TTC12: variants seen among roughly 807,000 people sequenced by gnomAD.
The protein encoded by TTC12 is tetratricopeptide repeat domain 12, also known as tetratricopeptide repeat protein 12.
TTC12 carries 70 observed loss-of-function variants against 90.1 expected under a neutral mutation model. The ratio of observed to expected loss-of-function variants is 0.78; its 90% CI spans 0.64 to 0.95. The LOEUF (loss-of-function observed/expected upper bound fraction) is 0.95. TTC12 is among the 40% of genes least tolerant of loss of function. TTC12 has a pLI of 0.00. For missense variants in TTC12, 819 were observed against 846.1 expected, an observed-to-expected ratio of 0.97 and a Z score of 0.40; for synonymous variants, 296 against 311.5, an observed-to-expected ratio of 0.95 and a Z score of 0.53.
intron 18 of TTC12, among the ~76,000 whole-genome samples, chr11:113,361,528 AAC>A (rs1949922053): frequency 1.3e-5 from 2 of 152,212 alleles, no homozygotes; most frequent in South Asian, 4.1e-4. Flanking sequence ...CTCCCGATAC[AAC>A]AGAGAGCAGA....
intron 2 of TTC12, among the ~76,000 whole-genome samples, chr11:113,321,187 A>G (rs979180118): frequency 6.6e-6 from 1 of 152,206 alleles, no homozygotes; most frequent in Non-Finnish European, 1.5e-5. Context: ...AATTAAAACA[A>G]TGAGATACCA....
At chr11:113,353,677 A>G (rs1018594306) in intron 16 of TTC12, among the ~76,000 whole-genome samples, 17 of 152,244 alleles carry the variant, frequency 1.1e-4, no homozygotes, top group Admixed American at 5.9e-4. Flanking sequence ...AATCTTCTGC[A>G]TATGACTAGC....
intron 2 of TTC12, among the ~76,000 whole-genome samples, chr11:113,320,707 G>A (rs782459486): frequency 6.6e-6 from 1 of 152,322 alleles, no homozygotes; most frequent in East Asian, 1.9e-4. Flanking sequence ...CAATCAAGTC[G>A]TCCGCAGATG....
chr11:113,327,956 C>G (rs1483408938), intron 6 of TTC12, among the ~76,000 whole-genome samples: 1 of 152,254 alleles, frequency 6.6e-6, no homozygotes, highest in Non-Finnish European at 1.5e-5. Context: ...CATTTGCTGG[C>G]TGTTGCCTAC....
At chr11:113,325,667 C>G (rs374575585) in intron 6 of TTC12, 22 bp downstream of exon 6, 2 of 1,610,694 alleles carry the variant, frequency 1.2e-6, no homozygotes, top group African/African-American at 2.7e-5. Context: ...AGGGATGTAT[C>G]CATGGGGCTT....
At chr11:113,359,855 G>T in intron 17 of TTC12, 85 bp from the exon 18 acceptor site, 1 of 1,055,414 alleles carries the variant, frequency 9.5e-7, no homozygotes, top group South Asian at 1.5e-5. Context: ...TGCTAAAAAG[G>T]AGACGGTGCT....
chr11:113,316,568 CCTT>C (rs1163988515), intron 2 of TTC12, among the ~76,000 whole-genome samples: 8 of 152,186 alleles, frequency 5.3e-5, no homozygotes, highest in African/African-American at 1.4e-4. Context: ...TATTTTGTAT[CCTT>C]CTATGTGGAA....
Position 113,366,276 on chromosome 11 carries a change from G to A in TTC12, c.2094G>A (p.Thr698=), listed in dbSNP as rs764336974. ...ATGGCCTAGAAATTCTCAACTCTAC[G>A]ATGAAATACATCAGTGATTCTTGAG... ...KLHGLEILNS[T]MKYISDS is the part of the protein sequence containing the mutation. The change falls in exon 22 of 22, where the codon ACG becomes ACA. Residue 698 remains threonine, a synonymous_variant. Coordinates refer to ENST00000529221, the MANE Select transcript of TTC12 (RefSeq NM_017868.4). 1 of 1,613,706 alleles carries A rather than the reference G, an allele frequency of 6.2e-7. No homozygotes were observed.
In TTC12 at chr11:113,329,736, C is replaced by T. The variant is rs1287572572; in HGVS notation, c.445-184C>T. On this transcript the variant is annotated intron_variant, in intron 6 of 21. Coordinates refer to ENST00000529221, the MANE Select transcript of TTC12 (RefSeq NM_017868.4). ...CCTGCCTTCACCGTGGAAGAGGTCCCTGTATTCAACTCTCCTCAGTTGCCC... is the reference window on the plus strand; with the variant it reads ...CCTGCCTTCACCGTGGAAGAGGTCCTTGTATTCAACTCTCCTCAGTTGCCC... 4.5e-6 allele frequency: 3 copies of T among 664,984 alleles called. No homozygotes were observed. In the Admixed American group the frequency reaches 6.2e-5, roughly 14 times the overall value. The allele number at this position is 664,984 out of a possible 1,614,324, so 41.2% of individuals were successfully genotyped here. A position where few individuals can be genotyped will look rare whatever the true frequency, so the allele number is the denominator to read the frequency against.
In TTC12 at chr11:113,323,382, C is replaced by A. The variant is rs1478892110; in HGVS notation, c.153C>A (p.Asp51Glu). 86 of 1,612,996 alleles carry A rather than the reference C, an allele frequency of 5.3e-5. No individual in the cohort carries two copies. The highest frequency in any genetic ancestry group is 7.2e-5 in the Non-Finnish European group (85 of 1,179,664). The change falls in exon 3 of 22, where the codon GAC (aspartate) becomes GAA (glutamate). Residue 51 changes from aspartate to glutamate, a missense_variant. Asp to Glu is a conservative substitution (Grantham distance 45, BLOSUM62 2). Transcript: ENST00000529221. ...AGAGACTACTGCTTATGGAGGAAGA[C>A]CAGGAGGAGGATGAATGCAGGACCA... is the stretch of plus-strand genomic sequence containing the variant. Reference protein sequence around the residue: ...TEKRLLLMEEDQEEDECRTTL... With the variant: ...TEKRLLLMEEEQEEDECRTTL...
intron 21 of TTC12, 148 bp downstream of exon 21, chr11:113,365,208 T>G (rs1314291666): frequency 5.7e-6 from 4 of 702,626 alleles, no homozygotes; most frequent in Middle Eastern, 4.1e-4. Flanking sequence ...GCCCAGTAGC[T>G]GCTTCTCTGA....
chr11:113,323,944 G>A (rs1250495605), intron 3 of TTC12, 50 bp from the exon 4 acceptor site: 1 of 1,471,506 alleles, frequency 6.8e-7, no homozygotes, highest in South Asian at 1.2e-5. Flanking sequence ...ATAAATTAGA[G>A]TGGTTTTTGA....
chr11:113,351,177 C>T (rs1317028819), intron 14 of TTC12, 62 bp from the exon 15 acceptor site: 8 of 1,459,666 alleles, frequency 5.5e-6, no homozygotes, highest in Non-Finnish European at 7.7e-6. Context: ...ATCTGAGACA[C>T]TGTATTTATG....
chr11:113,324,666 C>G lies in TTC12; in HGVS notation c.306C>G (p.Asn102Lys), dbSNP rs782216877. 6.2e-7 allele frequency: 1 copy of G among 1,613,816 alleles called. No individual in the cohort carries two copies. Among genetic ancestry groups the G allele is most frequent in the South Asian group, 1.1e-5 (1 of 90,992 alleles). The change falls in exon 5 of 22, where the codon AAC becomes AAG. Residue 102 changes from asparagine (N) to lysine (K), a missense_variant. Physicochemically the swap from Asn to Lys is moderately conservative, Grantham distance 94. Transcript: ENST00000529221. ...AACGAGCCAAGAGAAGAAGGGAAAA[C>G]AAAGTCTTGGCGGATGGTAATTGTC... The part of the protein sequence containing the change: ...AKERAKRRRE[N>K]KVLADALKEK...
chr11:113,367,313 C>T (rs768893668), downstream of TTC12, among the ~76,000 whole-genome samples: 49 of 152,232 alleles, frequency 3.2e-4, no homozygotes, highest in Non-Finnish European at 5.3e-4. Context: ...GGGCAAGTTG[C>T]TTAACCTCTC....
At chr11:113,343,448 G>T (rs1948786757) in intron 12 of TTC12, among the ~76,000 whole-genome samples, 1 of 152,216 alleles carries the variant, frequency 6.6e-6, no homozygotes, top group Non-Finnish European at 1.5e-5. Context: ...CGAAAACATG[G>T]TTTGATATGT....
chr11:113,320,491 G>A (rs1022261146), intron 2 of TTC12, among the ~76,000 whole-genome samples: 5 of 152,256 alleles, frequency 3.3e-5, no homozygotes, highest in Non-Finnish European at 7.4e-5. Flanking sequence ...TCCAGGGGAA[G>A]ATCATCTTTC....
rs143958789 is a variant in TTC12 at position 113,316,678 on chromosome 11, G to A, written c.58+363G>A. 8.1e-4 allele frequency among the ~76,000 whole-genome samples: 123 copies of A among 152,312 alleles called. 1 individual carries two copies. The highest frequency in any genetic ancestry group is 2.7e-3 in the African/African-American group (113 of 41,570). On this transcript the variant is annotated intron_variant, in intron 2 of 21. Transcript: ENST00000529221. Reference sequence around the variant, plus strand: ...CATTGATCAGTGTGAGATTCCTCCCGTTTTAGAGTAGAGCCATTTCTGTTT... The same window carrying A: ...CATTGATCAGTGTGAGATTCCTCCCATTTTAGAGTAGAGCCATTTCTGTTT...
rs782421527 is a variant in TTC12 at position 113,340,703 on chromosome 11, G to A, written c.866G>A (p.Ser289Asn). Reference sequence around the variant, plus strand: ...TTATTCAGAATGCACAATGGATTTAGTATCATCAGTGACAACGAGGTCATA... The same window carrying A: ...TTATTCAGAATGCACAATGGATTTAATATCATCAGTGACAACGAGGTCATA... ...QTLFRMHNGF[S>N]IISDNEVIRR... Residue 289 changes from serine to asparagine, a missense_variant, in exon 11 of 22, where the codon AGT becomes AAT. Physicochemically the swap from Ser to Asn is conservative, Grantham distance 46. Transcript: ENST00000529221. 2 of 1,614,096 alleles carry A rather than the reference G, an allele frequency of 1.2e-6. No individual in the cohort carries two copies. The highest frequency in any genetic ancestry group is 3.3e-5 in the Admixed American group (2 of 60,022).
Sources: gnomAD v4.1 joint callset for allele counts (sites outside exome capture counted in the v4.1 genomes callset) on GRCh38, gnomAD v4.1.1 for gene constraint, MANE v1.5 for transcripts, NCBI Gene and HGNC (gene_info 2026-07-23, HGNC 2026-07-21) for gene names.